IMPG1: variants seen among roughly 807,000 people sequenced by gnomAD.
The protein encoded by IMPG1 is interphotoreceptor matrix proteoglycan of 150 kDa.
A neutral mutation model predicts 92.0 loss-of-function variants in IMPG1; 85 were observed. The ratio of observed to expected loss-of-function variants is 0.92; its 90% CI spans 0.78 to 1.11. The LOEUF is 1.11. Ranked by LOEUF, IMPG1 falls within the 50% of genes least tolerant of loss-of-function variation. IMPG1 has a pLI of 0.00. For missense variants in IMPG1, 1,022 were observed against 956.0 expected (o/e 1.07, Z -0.91); for synonymous variants, 367 against 334.1 (o/e 1.10, Z -1.08).
At chr6:75,931,273 T>C (rs1218573679) in intron 14 of IMPG1, 122 bp from the exon 15 acceptor site, 1 of 820,700 alleles carries the variant, frequency 1.2e-6, no homozygotes. Context: ...GGTTGCACAG[T>C]TGTGATATCA....
chr6:75,940,693 A>G (rs762517715), intron 14 of IMPG1, among the ~76,000 whole-genome samples: 1 of 152,332 alleles, frequency 6.6e-6, no homozygotes, highest in Non-Finnish European at 1.5e-5. Context: ...GGGCATTTTT[A>G]GACAGCCTGG....
intron 12 of IMPG1, among the ~76,000 whole-genome samples, chr6:75,975,937 AT>A (rs989447611): frequency 6.6e-6 from 1 of 152,216 alleles, no homozygotes; most frequent in African/African-American, 2.4e-5. Context: ...ATGTCAAAAA[AT>A]ATTATAATAC....
chr6:75,987,174 T>G (rs1055609795), intron 12 of IMPG1, among the ~76,000 whole-genome samples: 1 of 152,022 alleles, frequency 6.6e-6, no homozygotes, highest in Non-Finnish European at 1.5e-5. Flanking sequence ...AAAACCTCAC[T>G]GGGAGGGGTG....
At chr6:76,070,939 A>G (rs562761716) in intron 1 of IMPG1, among the ~76,000 whole-genome samples, 1 of 152,184 alleles carries the variant, frequency 6.6e-6, no homozygotes, top group Non-Finnish European at 1.5e-5. Flanking sequence ...GGGTGTAACA[A>G]AACTGCACTT....
intron 1 of IMPG1, among the ~76,000 whole-genome samples, chr6:76,048,206 T>C (rs1783978333): frequency 6.6e-6 from 1 of 152,222 alleles, no homozygotes; most frequent in African/African-American, 2.4e-5. Context: ...TAGCTGATCA[T>C]GGCTGGAGAA....
chr6:75,923,114 T>C (rs1312134450), intron 16 of IMPG1, among the ~76,000 whole-genome samples: 2 of 152,100 alleles, frequency 1.3e-5, no homozygotes, highest in Non-Finnish European at 1.5e-5. Flanking sequence ...TAAAATAAAA[T>C]TATTTTAGTA....
intron 12 of IMPG1, among the ~76,000 whole-genome samples, chr6:75,967,823 G>A (rs1056318372): frequency 6.6e-6 from 1 of 152,180 alleles, no homozygotes; most frequent in Non-Finnish European, 1.5e-5. Context: ...GAAAGAAAGA[G>A]TGGTTCAAGA....
intron 1 of IMPG1, among the ~76,000 whole-genome samples, chr6:76,061,379 T>C (rs1784202309): frequency 6.6e-6 from 1 of 152,196 alleles, no homozygotes; most frequent in African/African-American, 2.4e-5. Flanking sequence ...ATGAACAAAG[T>C]ATAGGGGCTG....
intron 15 of IMPG1, among the ~76,000 whole-genome samples, chr6:75,930,256 C>T (rs1262107234): frequency 6.6e-6 from 1 of 152,042 alleles, no homozygotes; most frequent in Non-Finnish European, 1.5e-5. Flanking sequence ...GTTATGTAAT[C>T]ACTAAAAATG....
At chr6:75,974,584 C>T (rs1490901187) in intron 12 of IMPG1, among the ~76,000 whole-genome samples, 1 of 151,462 alleles carries the variant, frequency 6.6e-6, no homozygotes, top group African/African-American at 2.4e-5. Context: ...ATTCTCCTAC[C>T]TCAGCCTCCC....
At chr6:75,931,460 C>T (rs1781668322) in intron 14 of IMPG1, among the ~76,000 whole-genome samples, 1 of 152,164 alleles carries the variant, frequency 6.6e-6, no homozygotes, top group African/African-American at 2.4e-5. Context: ...GTGCAAGCAG[C>T]GTGGAATGGG....
chr6:76,031,396 C>T (rs1393828102), intron 4 of IMPG1, among the ~76,000 whole-genome samples: 1 of 152,194 alleles, frequency 6.6e-6, no homozygotes, highest in Non-Finnish European at 1.5e-5. Flanking sequence ...ATTTCTGCCA[C>T]ACCCAATTCT....
chr6:75,964,300 A>G (rs1782264410), intron 12 of IMPG1, among the ~76,000 whole-genome samples: 1 of 152,194 alleles, frequency 6.6e-6, no homozygotes, highest in Admixed American at 6.5e-5. Context: ...AGTGCATAAC[A>G]TTGTAAACAT....
chr6:75,981,199 TAAGTC>T (rs781244952), intron 12 of IMPG1, among the ~76,000 whole-genome samples: 7 of 152,214 alleles, frequency 4.6e-5, no homozygotes, highest in Non-Finnish European at 1.0e-4. Flanking sequence ...GGTAAAGTCT[TAAGTC>T]AAGAAGAACC....
At chr6:75,925,364 G>T (rs1222990636) in intron 15 of IMPG1, among the ~76,000 whole-genome samples, 1 of 151,886 alleles carries the variant, frequency 6.6e-6, no homozygotes, top group Non-Finnish European at 1.5e-5. Context: ...TATAAAATGG[G>T]TATAATATTT....
intron 1 of IMPG1, among the ~76,000 whole-genome samples, chr6:76,069,874 G>C (rs891333404): frequency 2.0e-5 from 3 of 152,084 alleles, no homozygotes; most frequent in African/African-American, 7.2e-5. Context: ...GTAAATTAAT[G>C]CAGGAACAGA....
intron 1 of IMPG1, among the ~76,000 whole-genome samples, chr6:76,070,304 T>G (rs1263096438): frequency 6.6e-6 from 1 of 152,138 alleles, no homozygotes; most frequent in Non-Finnish European, 1.5e-5. Context: ...TCAGAACGGC[T>G]ATTTTTCAAA....
chr6:76,008,668 C>T (rs1172732113), intron 8 of IMPG1, among the ~76,000 whole-genome samples: 3 of 152,186 alleles, frequency 2.0e-5, no homozygotes, highest in Non-Finnish European at 4.4e-5. Context: ...AGAGGCCAGG[C>T]TTCCTGGGTC....
At chr6:75,965,339 A>T (rs907906494) in intron 12 of IMPG1, among the ~76,000 whole-genome samples, 1 of 151,206 alleles carries the variant, frequency 6.6e-6, no homozygotes, top group Non-Finnish European at 1.5e-5. Flanking sequence ...TACAGATCCA[A>T]ATGCATTTTC....
Sources: gnomAD v4.1 joint callset for allele counts (sites outside exome capture counted in the v4.1 genomes callset) on GRCh38, gnomAD v4.1.1 for gene constraint, MANE v1.5 for transcripts, NCBI Gene and HGNC (gene_info 2026-07-23, HGNC 2026-07-21) for gene names.